Variants in NFILZ observed in about 807,000 individuals in gnomAD.
NFILZ encodes the protein NFIL3 like protein.
intron 3 of NFILZ, chr19:8,638,792 TG>T (rs2042906495): frequency 6.7e-6 from 1 of 149,504 alleles, no homozygotes; most frequent in Admixed American, 6.7e-5. Flanking sequence ...AGAGTCTTTC[TG>T]GCAGAGGGCA....
intron 3 of NFILZ, among the ~76,000 whole-genome samples, chr19:8,654,141 A>C (rs1267839153): frequency 1.3e-5 from 2 of 152,152 alleles, no homozygotes; most frequent in African/African-American, 4.8e-5. Flanking sequence ...CTGAGGCAGG[A>C]GAATCACTTG....
chr19:8,672,497 G>A (rs781931272), intron 3 of NFILZ, among the ~76,000 whole-genome samples: 1 of 150,548 alleles, frequency 6.6e-6, no homozygotes, highest in Non-Finnish European at 1.5e-5. Flanking sequence ...AAAAATCCAT[G>A]CACTTATTTG....
Position 8,633,075 on chromosome 19 carries a change from C to T in NFILZ, c.-261+450C>T, listed in dbSNP as rs144197487. Among the ~76,000 whole-genome samples the T allele has an allele frequency of 5.7e-3, 774 of 134,636 alleles. 10 individuals carry two copies. Among genetic ancestry groups the T allele is most frequent in the African/African-American group, 0.021 (732 of 35,274 alleles). 88.3% of individuals were successfully genotyped at this position (134,636 alleles called of 152,430 possible). On this transcript the variant is annotated intron_variant, in intron 2 of 5. Coordinates refer to ENST00000691075, the MANE Select transcript of NFILZ (RefSeq NM_001378600.1). ...TTGCTCTGTCACTCAGGCTGGAGTG[C>T]AGTGGTGTAATCTTGGCTTACTGCA... is the stretch of plus-strand genomic sequence containing the variant.
chr19:8,648,047 G>T (rs575588757), intron 3 of NFILZ, among the ~76,000 whole-genome samples: 17 of 151,778 alleles, frequency 1.1e-4, no homozygotes, highest in Non-Finnish European at 2.4e-4. Context: ...GGTAGCGGGT[G>T]CCTGTAGTCC....
Position 8,656,335 on chromosome 19 carries a change from T to TCCCGCAGCGCACC in NFILZ, c.-163-18216_-163-18215insCCCGCAGCGCACC. Among the ~76,000 whole-genome samples, 41 of 25,004 alleles carry TCCCGCAGCGCACC rather than the reference T, an allele frequency of 1.6e-3. 2 individuals are homozygous for TCCCGCAGCGCACC. Among genetic ancestry groups the TCCCGCAGCGCACC allele is most frequent in the Non-Finnish European group, 4.3e-3 (28 of 6,564 alleles). 16.4% of individuals were successfully genotyped at this position (25,004 alleles called of 152,430 possible). ...GCACCTCCTCCCTGAAGCCCCCTTC[T>TCCCGCAGCGCACC]TCCTGAAGCCCACCTCTTCCCTGAA... On this transcript the variant is annotated intron_variant, in intron 3 of 5. Transcript: ENST00000691075.
At chr19:8,674,770 C>A (rs1555750574) in intron 4 of NFILZ, among the ~76,000 whole-genome samples, 170 bp downstream of exon 4, 1 of 152,096 alleles carries the variant, frequency 6.6e-6, no homozygotes, top group African/African-American at 2.4e-5. Context: ...CTCTGTCAAA[C>A]ATGACCTGAA....
chr19:8,654,614 C>A (rs1344637079), intron 3 of NFILZ, among the ~76,000 whole-genome samples: 1 of 151,408 alleles, frequency 6.6e-6, no homozygotes, highest in African/African-American at 2.4e-5. Context: ...GCGAGCCTTG[C>A]CTCAAAAAAT....
At chr19:8,668,290 T>TATTTTTTTCGTC (rs1555750005) in intron 3 of NFILZ, among the ~76,000 whole-genome samples, 1 of 152,204 alleles carries the variant, frequency 6.6e-6, no homozygotes, top group Non-Finnish European at 1.5e-5. Context: ...TTTTTATTGT[T>TATTTTTTTCGTC]GTCTTGTTAT....
In NFILZ at chr19:8,678,171, A is replaced by T. The variant is rs797031250; in HGVS notation, c.*536A>T. ...TGTCCGTCCATCCATCCATCCATCC[A>T]TCCATCCATCCATCCATCCGTCCAT... On this transcript the variant is annotated 3_prime_UTR_variant, in exon 6 of 6. Coordinates refer to ENST00000691075, the MANE Select transcript of NFILZ (RefSeq NM_001378600.1). Among the ~76,000 whole-genome samples the T allele has an allele frequency of 3.0e-3, 96 of 31,974 alleles. No homozygotes were observed. Among genetic ancestry groups the T allele is most frequent in the East Asian group, 0.014 (15 of 1,092 alleles). The allele number at this position is 31,974 out of a possible 152,430, so 21.0% of individuals were successfully genotyped here. A position where few individuals can be genotyped will look rare whatever the true frequency, so the allele number is the denominator to read the frequency against.
At chr19:8,670,728 C>T (rs781992766) in intron 3 of NFILZ, among the ~76,000 whole-genome samples, 29 of 152,136 alleles carry the variant, frequency 1.9e-4, no homozygotes, top group Non-Finnish European at 1.8e-4. Context: ...GGCGCTCTGG[C>T]TCATGCCTGT....
chr19:8,633,021 C>CTT (rs140247462), intron 2 of NFILZ, among the ~76,000 whole-genome samples: 100,342 of 118,382 alleles, frequency 0.85, 44,353 homozygotes, highest in Non-Finnish European at 0.94. Context: ...CTGCACCTGC[C>CTT]TTTTTTTTTT....
At chr19:8,653,004 C>CTT (rs2042973717) in intron 3 of NFILZ, among the ~76,000 whole-genome samples, 2 of 41,118 alleles carry the variant, frequency 4.9e-5, no homozygotes, top group African/African-American at 1.8e-4. Context: ...TCCTTCCTTC[C>CTT]TTCCTTCCTT....
chr19:8,652,923 T>C (rs1377638314), intron 3 of NFILZ, among the ~76,000 whole-genome samples: 2 of 124,878 alleles, frequency 1.6e-5, no homozygotes, highest in East Asian at 2.1e-4. Flanking sequence ...CTCTCTCTCT[T>C]CTCTCTCTCT....
intron 3 of NFILZ, among the ~76,000 whole-genome samples, chr19:8,658,386 G>C (rs1186632225): frequency 6.6e-6 from 1 of 152,084 alleles, no homozygotes; most frequent in Non-Finnish European, 1.5e-5. Flanking sequence ...AGGATATTCA[G>C]CAGCGTAAAT....
intron 1 of NFILZ, among the ~76,000 whole-genome samples, chr19:8,632,245 A>AGTGTGTGTGTGTGTGT (rs35056229): frequency 3.6e-4 from 52 of 145,334 alleles, no homozygotes; most frequent in African/African-American, 1.2e-3. Context: ...CCCGCCATAC[A>AGTGTGTGTGTGTGTGT]GTGTGTGTGT....
rs1265640349 is a variant in NFILZ, at chr19:8,680,143, C to G, written c.*2508C>G. ...CCCAGGAGGTGGAGGCTGCAGCGAG[C>G]TGAGATTGCACCACTGCAGTCCAGC... On this transcript the variant is annotated 3_prime_UTR_variant, in exon 6 of 6. Transcript: ENST00000691075. Among the ~76,000 whole-genome samples the G allele has an allele frequency of 3.4e-5, 5 of 145,286 alleles. No homozygotes were observed. Among genetic ancestry groups the G allele is most frequent in the African/African-American group, 1.3e-4 (5 of 39,120 alleles).
rs539056441 is a variant in NFILZ, at chr19:8,678,798, T to C, written c.*1163T>C. ...ATTCTCTTACTCATTAATTTACTTATAATTCACTTGTCCCCTCACCCACCC... is the reference window on the plus strand; with the variant it reads ...ATTCTCTTACTCATTAATTTACTTACAATTCACTTGTCCCCTCACCCACCC... On this transcript the variant is annotated 3_prime_UTR_variant, in exon 6 of 6. Coordinates refer to ENST00000691075, the MANE Select transcript of NFILZ (RefSeq NM_001378600.1). Among the ~76,000 whole-genome samples the C allele has an allele frequency of 3.9e-5, 6 of 152,348 alleles. No individual in the cohort carries two copies. In the South Asian group the frequency reaches 1.0e-3, roughly 26 times the overall value.
At chr19:8,662,295 GT>G (rs1555749218) in intron 3 of NFILZ, among the ~76,000 whole-genome samples, 1 of 152,058 alleles carries the variant, frequency 6.6e-6, no homozygotes, top group South Asian at 2.1e-4. Flanking sequence ...GTGTAAGTGT[GT>G]AAGTATGTGA....
chr19:8,645,467 T>A (rs1233630612), intron 3 of NFILZ, among the ~76,000 whole-genome samples: 2 of 152,040 alleles, frequency 1.3e-5, no homozygotes, highest in Non-Finnish European at 2.9e-5. Context: ...GATCATGTTG[T>A]CCCCAGCCTC....
Sources: gnomAD v4.1 joint callset for allele counts (sites outside exome capture counted in the v4.1 genomes callset) on GRCh38, gnomAD v4.1.1 for gene constraint, MANE v1.5 for transcripts, NCBI Gene and HGNC (gene_info 2026-07-23, HGNC 2026-07-21) for gene names.